Variants in PDCL2 observed in about 807,000 individuals in gnomAD.
PDCL2 encodes phosducin-like protein 2.
Under a neutral mutation model 30.3 loss-of-function variants are expected in PDCL2, and 23 were observed. The ratio of observed to expected loss-of-function variants is 0.76; its 90% CI spans 0.55 to 1.08. The LOEUF (loss-of-function observed/expected upper bound fraction) is 1.08, where lower values mean the gene tolerates loss of function less well. Among genes scored for constraint, PDCL2 ranks in the 50% least tolerant of loss-of-function variants. The probability of loss-of-function intolerance (pLI) is 0.00; values close to 1 mark genes in which losing one functional copy is unlikely to be tolerated. For synonymous variants in PDCL2, 68 were observed against 86.2 expected, an observed-to-expected ratio of 0.79 and a Z score of 1.17; for missense variants, 243 against 282.3, an observed-to-expected ratio of 0.86 and a Z score of 1.00.
At chr4:55,589,932 C>A (rs756427590) in intron 1 of PDCL2, among the ~76,000 whole-genome samples, 1 of 152,076 alleles carries the variant, frequency 6.6e-6, no homozygotes, top group African/African-American at 2.4e-5. Context: ...CGCAGTGACT[C>A]ATGCCTGTAA....
intron 4 of PDCL2, among the ~76,000 whole-genome samples, chr4:55,567,874 C>T (rs2110156406): frequency 6.6e-6 from 1 of 152,246 alleles, no homozygotes; most frequent in Non-Finnish European, 1.5e-5. Context: ...CAAGTAAACT[C>T]TTTAAATTAT....
chr4:55,562,596 A>C lies in PDCL2; in HGVS notation c.379T>G (p.Leu127Val). ...AGAAGACTAAGATGCTGGTTAACCA[A>C]CAAACACATTGGGATGCTAAAAAGA... ...LYRSSIPMCL[L>V]VNQHLSLLAR... Residue 127 changes from leucine to valine, a missense_variant, in exon 5 of 6, where the codon TTG (leucine) becomes GTG (valine). Coordinates refer to ENST00000295645, the MANE Select transcript of PDCL2 (RefSeq NM_152401.3). 6.3e-7 allele frequency: 1 copy of C among 1,591,252 alleles called. No homozygotes were observed. Among genetic ancestry groups the C allele is most frequent in the Non-Finnish European group, 8.5e-7 (1 of 1,170,368 alleles).
intron 4 of PDCL2, among the ~76,000 whole-genome samples, chr4:55,562,922 A>C (rs1440781973): frequency 7.9e-6 from 1 of 126,700 alleles, no homozygotes; most frequent in Non-Finnish European, 1.7e-5. Context: ...GAAAAAAAAA[A>C]AAAAAACAGG....
intron 3 of PDCL2, among the ~76,000 whole-genome samples, chr4:55,578,572 C>CAGCATATTTTACTGG (rs1732628856): frequency 6.6e-6 from 1 of 151,578 alleles, no homozygotes; most frequent in South Asian, 2.1e-4. Flanking sequence ...GCTATTTTCC[C>CAGCATATTTTACTGG]TGATGTGTCA....
At chr4:55,591,997 A>T in intron 1 of PDCL2, 107 bp downstream of exon 1, 1 of 1,450,028 alleles carries the variant, frequency 6.9e-7, no homozygotes, top group Non-Finnish European at 9.4e-7. Flanking sequence ...AACAAATGTT[A>T]GAGCCTACCT....
intron 3 of PDCL2, among the ~76,000 whole-genome samples, chr4:55,572,512 T>C (rs1269197842): frequency 1.3e-5 from 2 of 152,116 alleles, no homozygotes; most frequent in African/African-American, 4.8e-5. Flanking sequence ...TTAGTAACAA[T>C]CTGAGGATGA....
chr4:55,591,962 C>A, intron 1 of PDCL2, 142 bp downstream of exon 1: 1 of 1,137,880 alleles, frequency 8.8e-7, no homozygotes, highest in South Asian at 1.6e-5. Flanking sequence ...GACAGAGAAG[C>A]ACGCAAAATT....
chr4:55,572,343 C>T (rs1277617573), intron 3 of PDCL2, among the ~76,000 whole-genome samples: 1 of 152,206 alleles, frequency 6.6e-6, no homozygotes, highest in Non-Finnish European at 1.5e-5. Context: ...AGGAATGACT[C>T]CCAGAACAAC....
At chr4:55,562,664 A>G in intron 4 of PDCL2, 52 bp from the exon 5 acceptor site, 1 of 1,240,384 alleles carries the variant, frequency 8.1e-7, no homozygotes, top group Non-Finnish European at 1.1e-6. Context: ...TACTCATCTC[A>G]GTCTAATGAA....
At chr4:55,568,651 A>C (rs1035208776) in intron 4 of PDCL2, among the ~76,000 whole-genome samples, 1 of 152,220 alleles carries the variant, frequency 6.6e-6, no homozygotes, top group Non-Finnish European at 1.5e-5. Flanking sequence ...ATACCACACC[A>C]AAATAAGCCA....
chr4:55,572,612 C>A (rs981263192), intron 3 of PDCL2, among the ~76,000 whole-genome samples: 2 of 152,172 alleles, frequency 1.3e-5, no homozygotes, highest in Non-Finnish European at 2.9e-5. Flanking sequence ...CAGCATCATG[C>A]AATATACCAG....
intron 3 of PDCL2, among the ~76,000 whole-genome samples, chr4:55,578,027 G>A (rs762337642): frequency 9.9e-5 from 15 of 152,126 alleles, no homozygotes; most frequent in East Asian, 5.8e-4. Flanking sequence ...TTGTGCTGGC[G>A]ATCATTCTGA....
intron 5 of PDCL2, among the ~76,000 whole-genome samples, chr4:55,558,069 C>T (rs1373584457): frequency 8.1e-5 from 12 of 147,974 alleles, no homozygotes; most frequent in Middle Eastern, 6.9e-3. Flanking sequence ...TGTAGTGGGC[C>T]GAGATCGAGA....
At chr4:55,583,693 G>C (rs1355891231) in intron 1 of PDCL2, among the ~76,000 whole-genome samples, 2 of 152,090 alleles carry the variant, frequency 1.3e-5, no homozygotes, top group African/African-American at 2.4e-5. Flanking sequence ...CCCATTGTGT[G>C]TTCTTGTCCC....
chr4:55,583,323 G>C (rs1281821192), intron 1 of PDCL2, among the ~76,000 whole-genome samples: 2 of 152,182 alleles, frequency 1.3e-5, no homozygotes, highest in Non-Finnish European at 2.9e-5. Context: ...GTAATGCCAT[G>C]TCAAGTGTAT....
chr4:55,582,288 TG>T (rs1403159304), intron 1 of PDCL2, 51 bp from the exon 2 acceptor site: 26 of 1,507,144 alleles, frequency 1.7e-5, no homozygotes, highest in Non-Finnish European at 2.2e-5. Flanking sequence ...CACTTTAATA[TG>T]TATTTGGAAA....
intron 4 of PDCL2, among the ~76,000 whole-genome samples, chr4:55,568,018 T>C (rs886413966): frequency 2.6e-5 from 4 of 152,246 alleles, no homozygotes; most frequent in Non-Finnish European, 5.9e-5. Flanking sequence ...TTATGGGGCA[T>C]GTTGTCCTGT....
intron 2 of PDCL2, 102 bp downstream of exon 2, chr4:55,582,015 A>C: frequency 6.7e-7 from 1 of 1,493,696 alleles, no homozygotes; most frequent in Non-Finnish European, 9.0e-7. Flanking sequence ...CCTATACTAA[A>C]TGATTTCTAA....
chr4:55,589,987 A>T (rs6842960), intron 1 of PDCL2, among the ~76,000 whole-genome samples: 32 of 151,454 alleles, frequency 2.1e-4, no homozygotes, highest in Non-Finnish European at 5.9e-5. Context: ...TTTTGAGGTC[A>T]GGACTCCAAG....
Sources: gnomAD v4.1 joint callset for allele counts (sites outside exome capture counted in the v4.1 genomes callset) on GRCh38, gnomAD v4.1.1 for gene constraint, MANE v1.5 for transcripts, NCBI Gene and HGNC (gene_info 2026-07-23, HGNC 2026-07-21) for gene names.